The following CEP72 variants were observed in gnomAD, a reference collection of about 807,000 sequenced individuals.
CEP72 encodes centrosomal protein 72.
In CEP72, 78 loss-of-function variants were observed where a neutral mutation model predicts 65.7. That is an observed-to-expected ratio of 1.19 (90% CI 0.99 to 1.43). The LOEUF (loss-of-function observed/expected upper bound fraction) is 1.43, where lower values mean the gene tolerates loss of function less well. Ranked by LOEUF, CEP72 falls within the 40% of genes most tolerant of loss-of-function variation. The pLI is 0.00. For synonymous variants in CEP72, 358 were observed against 351.7 expected (o/e 1.02, Z -0.20); for missense variants, 914 against 832.9 (o/e 1.10, Z -1.20).
At chr5:633,224 G>A (rs113936226) in intron 4 of CEP72, among the ~76,000 whole-genome samples, 1 of 101,540 alleles carries the variant, frequency 9.8e-6, no homozygotes, top group Admixed American at 9.8e-5. Flanking sequence ...GTGGGGTTCT[G>A]TCCAGTGCTG....
chr5:651,722 A>G (rs1739111429), intron 11 of CEP72, among the ~76,000 whole-genome samples: 1 of 151,932 alleles, frequency 6.6e-6, no homozygotes, highest in African/African-American at 2.4e-5. Context: ...GGAGGCAAGG[A>G]CAGGTCGCTC....
intron 1 of CEP72, 32 bp downstream of exon 1, chr5:612,475 T>G (rs1335199518): frequency 9.5e-6 from 12 of 1,268,984 alleles, no homozygotes; most frequent in Admixed American, 7.7e-5. Context: ...GGTGCAAGCG[T>G]GAGGTGGCGG....
At chr5:658,887 C>G (rs989334591), downstream of CEP72, among the ~76,000 whole-genome samples, 3 of 152,106 alleles carry the variant, frequency 2.0e-5, no homozygotes, top group Admixed American at 1.3e-4. Context: ...CCAGGATGGT[C>G]TCAATCTCCT....
chr5:616,062 C>T (rs1242831647), intron 1 of CEP72, among the ~76,000 whole-genome samples: 1 of 152,114 alleles, frequency 6.6e-6, no homozygotes, highest in East Asian at 1.9e-4. Flanking sequence ...TTTTCAGTAA[C>T]TCAGGAGGAA....
chr5:627,174 A>G (rs899970748), intron 4 of CEP72, among the ~76,000 whole-genome samples: 1 of 152,152 alleles, frequency 6.6e-6, no homozygotes, highest in South Asian at 2.1e-4. Flanking sequence ...GATTTCTTTA[A>G]TAGAGATCTC....
chr5:650,570 A>AT (rs1738957872), intron 11 of CEP72, among the ~76,000 whole-genome samples: 1 of 29,956 alleles, frequency 3.3e-5, no homozygotes, highest in Non-Finnish European at 5.1e-5. Flanking sequence ...GTGAGGTGTG[A>AT]CTGTGAGGTG....
At chr5:671,764 C>CT (rs1438892311), downstream of CEP72, among the ~76,000 whole-genome samples, 1 of 152,216 alleles carries the variant, frequency 6.6e-6, no homozygotes, top group Non-Finnish European at 1.5e-5. Context: ...GGCGTGGCCA[C>CT]TAGAGGCTCC....
At chr5:615,534 T>TAAAA (rs1735941795) in intron 1 of CEP72, among the ~76,000 whole-genome samples, 1 of 152,214 alleles carries the variant, frequency 6.6e-6, no homozygotes, top group Non-Finnish European at 1.5e-5. Context: ...TTGCATGGCG[T>TAAAA]ATCTTTTCCT....
Position 637,745 on chromosome 5 carries a change from G to A in CEP72, c.1133G>A (p.Gly378Glu), listed in dbSNP as rs2126787578. ...SRQDSSESRN[G>E]RTLSQPEASE... is the part of the protein sequence containing the mutation. ...CAGGACAGCTCAGAAAGCAGGAACG[G>A]GAGGACCTTGTCTCAGCCTGAGGCC... Residue 378 changes from glycine (G) to glutamate (E), a missense_variant, in exon 7 of 12, where the codon GGG (glycine) becomes GAG (glutamate). Gly to Glu is a moderately conservative substitution (Grantham distance 98, BLOSUM62 -2). Transcript: ENST00000264935. 1 of 1,612,536 alleles carries A rather than the reference G, an allele frequency of 6.2e-7. No homozygotes were observed. Among genetic ancestry groups the A allele is most frequent in the South Asian group, 1.1e-5 (1 of 90,938 alleles).
chr5:631,434 C>A (rs1737180125), intron 4 of CEP72, among the ~76,000 whole-genome samples: 1 of 46,374 alleles, frequency 2.2e-5, no homozygotes, highest in East Asian at 4.6e-4. Context: ...GGGGTTCTGT[C>A]CAGCGCCGGG....
Position 634,016 on chromosome 5 carries a change from C to T in CEP72, c.691+69C>T, listed in dbSNP as rs1335549134. ...TGGGATATATATAGTCGTTACTGGG[C>T]TTGGAGTCCACAGTTGCTCTTTTTG... is the stretch of plus-strand genomic sequence containing the variant. On this transcript the variant is annotated intron_variant, in intron 5 of 11. Transcript: ENST00000264935. The T allele has an allele frequency of 3.5e-6, 5 of 1,423,206 alleles. No homozygotes were observed. The Admixed American group carries it at 5.6e-5, about 16-fold the overall frequency. 88.2% of individuals were successfully genotyped at this position (1,423,206 alleles called of 1,614,324 possible).
Position 619,013 on chromosome 5 carries a change from C to G in CEP72, c.106C>G (p.Pro36Ala), listed in dbSNP as rs769118683. 3.1e-6 allele frequency: 5 copies of G among 1,611,252 alleles called. No homozygotes were observed. Among genetic ancestry groups the G allele is most frequent in the African/African-American group, 1.3e-5 (1 of 74,804 alleles). The change falls in exon 2 of 12, where the codon CCT becomes GCT. Residue 36 changes from proline (P) to alanine (A), a missense_variant. Pro to Ala is a conservative substitution (Grantham distance 27, BLOSUM62 -1). Coordinates refer to ENST00000264935, the MANE Select transcript of CEP72 (RefSeq NM_018140.4). ...AGCTGAGCTTCAGTCATTGTCTATT[C>G]CTGGAACTTACCAAGAGAAGATCAC... Reference protein sequence around the residue: ...DLAELQSLSIPGTYQEKITHL... With the variant: ...DLAELQSLSIAGTYQEKITHL...
At chr5:648,500 CTGTGAGGTGTGGACTG>C in intron 11 of CEP72, among the ~76,000 whole-genome samples, 1 of 136,618 alleles carries the variant, frequency 7.3e-6, no homozygotes, top group Non-Finnish European at 1.5e-5. Flanking sequence ...TGAGGTGTGA[CTGTGAGGTGTGGACTG>C]TGAGGTGTGA....
Position 653,041 on chromosome 5 carries a change from C to G in CEP72, c.1832C>G (p.Ala611Gly). The G allele has an allele frequency of 6.2e-7, 1 of 1,613,724 alleles. No individual in the cohort carries two copies. The change falls in exon 12 of 12, where the codon GCG becomes GGG. Residue 611 changes from alanine to glycine, a missense_variant. By Grantham distance (60) the Ala-to-Gly change is moderately conservative (BLOSUM62 0). Transcript: ENST00000264935. ...CTGCAGGAGCTGAGCCAGGTGCGGG[C>G]GCAGCACAGAGCCGAGGTGGAGCAG... ...HLLQELSQVR[A>G]QHRAEVEQMH... is the part of the protein sequence containing the mutation.
In CEP72 at chr5:638,999, G is replaced by A. The variant is rs879013882; in HGVS notation, c.1207-90G>A. Reference sequence around the variant, plus strand: ...GCACCTGTCCTCCCCTTCGTGGTGCGAGGGCATCCCAGGGTGCGCTTGGGC... The same window carrying A: ...GCACCTGTCCTCCCCTTCGTGGTGCAAGGGCATCCCAGGGTGCGCTTGGGC... On this transcript the variant is annotated intron_variant, in intron 7 of 11. Transcript: ENST00000264935. 101 of 1,539,554 alleles carry A rather than the reference G, an allele frequency of 6.6e-5. 1 individual carries two copies. Among genetic ancestry groups the A allele is most frequent in the African/African-American group, 1.4e-4 (10 of 73,468 alleles).
Position 615,077 on chromosome 5 carries a change from GCTAGGATTTTTATAC to G in CEP72, c.82+2637_82+2651del, listed in dbSNP as rs1485996314. On this transcript the variant is annotated intron_variant, in intron 1 of 11. Coordinates refer to ENST00000264935, the MANE Select transcript of CEP72 (RefSeq NM_018140.4). ...GAAGCTCTGTTTGTTGAATTACATAGCTAGGATTTTTATACCTTCTTAGTGGACTGACCCTTTTAG... is the reference window on the plus strand; with the variant it reads ...GAAGCTCTGTTTGTTGAATTACATAGCTTCTTAGTGGACTGACCCTTTTAG... Among the ~76,000 whole-genome samples the G allele has an allele frequency of 2.7e-5, 4 of 149,858 alleles. No homozygotes were observed. In the East Asian group the frequency reaches 7.8e-4, roughly 29 times the overall value.
At chr5:644,132 G>C in intron 9 of CEP72, 167 bp from the exon 10 acceptor site, 1 of 714,806 alleles carries the variant, frequency 1.4e-6, no homozygotes, top group Non-Finnish European at 2.3e-6. Context: ...GGCAGGGCGG[G>C]CTGGGAGCAG....
chr5:623,506 G>A lies in CEP72; in HGVS notation c.404-965G>A, dbSNP rs1028870239. ...TGAAGGTGAGTTTGCAGTTGGCTTC[G>A]GACATGCTGCATTAGAATTTACACA... On this transcript the variant is annotated intron_variant, in intron 3 of 11. Coordinates refer to ENST00000264935, the MANE Select transcript of CEP72 (RefSeq NM_018140.4). This position sits in a 1 kb window ranked among gnomAD's most constrained non-coding sequence, Gnocchi z 5.3. 6.6e-6 allele frequency among the ~76,000 whole-genome samples: 1 copy of A among 152,146 alleles called. No individual in the cohort carries two copies. The highest frequency in any genetic ancestry group is 2.4e-5 in the African/African-American group (1 of 41,426).
In CEP72 at chr5:620,191, C is replaced by T. The variant is rs1351628671; in HGVS notation, c.333C>T (p.Asn111=). The change falls in exon 3 of 12, where the codon AAC becomes AAT. Residue 111 remains asparagine (N), a synonymous_variant. Transcript: ENST00000264935. ...TELVDVDFRL[N]PVVKVEPDYR... ...TCGTGGATGTGGACTTCCGGCTGAA[C>T]CCCGTGGTGAAGGTTGAGCCTGACT... 2.5e-6 allele frequency: 4 copies of T among 1,614,078 alleles called. No individual in the cohort carries two copies. Among genetic ancestry groups the T allele is most frequent in the Non-Finnish European group, 3.4e-6 (4 of 1,180,040 alleles).
Sources: allele counts gnomAD v4.1 joint callset (sites outside exome capture counted in the v4.1 genomes callset), GRCh38; gene constraint gnomAD v4.1.1; non-coding constraint Gnocchi (gnomAD v3.1); transcripts MANE v1.5; gene names NCBI Gene and HGNC (gene_info 2026-07-23, HGNC 2026-07-21).